FSTL5: variants seen among roughly 807,000 people sequenced by gnomAD.
FSTL5 encodes follistatin like 5.
A neutral mutation model predicts 89.1 loss-of-function variants in FSTL5; 62 were observed. That is an observed-to-expected ratio of 0.70 (90% CI 0.57 to 0.86). The LOEUF (loss-of-function observed/expected upper bound fraction) is 0.86, where lower values mean the gene tolerates loss of function less well. FSTL5 is among the 40% of genes least tolerant of loss of function. The probability of loss-of-function intolerance (pLI) is 0.00; values close to 1 mark genes in which losing one functional copy is unlikely to be tolerated. For synonymous variants in FSTL5, 383 were observed against 346.2 expected (o/e 1.11, Z -1.18); for missense variants, 1,057 against 1,001.6 (o/e 1.06, Z -0.75).
chr4:161,675,075 A>G lies in FSTL5; in HGVS notation c.728-18581T>C, dbSNP rs17638386. On this transcript the variant is annotated intron_variant, in intron 6 of 15. Transcript: ENST00000306100. ...AACAAGAATATAGATAAAGCAGGAT[A>G]GTTTATAAGCATTTCAATTCACCAG... is the stretch of plus-strand genomic sequence containing the variant. Among the ~76,000 whole-genome samples the G allele has an allele frequency of 9.7e-3, 1,479 of 152,296 alleles. 39 individuals carry two copies. Among genetic ancestry groups the G allele is most frequent in the East Asian group, 0.085 (441 of 5,174 alleles).
chr4:161,988,187 G>GT (rs1273626397), intron 3 of FSTL5, among the ~76,000 whole-genome samples: 3 of 151,750 alleles, frequency 2.0e-5, no homozygotes, highest in African/African-American at 4.8e-5. Flanking sequence ...AAGTGCAGGA[G>GT]TTTTTTTGTC....
intron 5 of FSTL5, among the ~76,000 whole-genome samples, chr4:161,766,944 A>C (rs1419849019): frequency 4.6e-5 from 7 of 151,858 alleles, no homozygotes; most frequent in Non-Finnish European, 2.9e-5. Flanking sequence ...AGATAGATAG[A>C]TAGATAGATA....
chr4:161,914,531 T>C (rs1284910326), intron 4 of FSTL5, among the ~76,000 whole-genome samples: 1 of 152,094 alleles, frequency 6.6e-6, no homozygotes, highest in Non-Finnish European at 1.5e-5. Flanking sequence ...ATAAACAAAA[T>C]TAACCTGCAT....
chr4:161,403,265 T>C (rs984648301), intron 15 of FSTL5, among the ~76,000 whole-genome samples: 3 of 152,204 alleles, frequency 2.0e-5, no homozygotes, highest in Non-Finnish European at 2.9e-5. Context: ...TCTTAGCCAC[T>C]AGAATTTTTT....
At chr4:161,601,329 GAAAAA>G (rs35261391) in intron 7 of FSTL5, among the ~76,000 whole-genome samples, 4 of 107,566 alleles carry the variant, frequency 3.7e-5, no homozygotes, top group South Asian at 6.8e-4. Flanking sequence ...TAAATAGTTG[GAAAAA>G]AAAAAAAAAA....
At chr4:161,387,663 A>G (rs1425953140) in intron 15 of FSTL5, 1 of 152,070 alleles carries the variant, frequency 6.6e-6, no homozygotes, top group African/African-American at 2.4e-5. Context: ...CATATATTAA[A>G]TATCATAGAA....
At chr4:161,744,346 A>G (rs1245855593) in intron 6 of FSTL5, among the ~76,000 whole-genome samples, 2 of 152,132 alleles carry the variant, frequency 1.3e-5, no homozygotes, top group African/African-American at 2.4e-5. Flanking sequence ...TGGTAAAGCC[A>G]AAGCTGAGAT....
intron 3 of FSTL5, among the ~76,000 whole-genome samples, chr4:161,926,317 A>T (rs1196722973): frequency 6.6e-6 from 1 of 151,810 alleles, no homozygotes; most frequent in African/African-American, 2.4e-5. Context: ...AGTGAGTTTG[A>T]ACCCTTCTTT....
rs1730646752 is a variant in FSTL5, at chr4:162,093,879, G to C, written c.126+17392C>G. The stretch of plus-strand genomic sequence containing the variant: ...AGGAAATTTTAGAGAGTCAATATTA[G>C]TATTTTTTCACTTGGATTATAAGCA... On this transcript the variant is annotated intron_variant, in intron 2 of 15. Coordinates refer to ENST00000306100, the MANE Select transcript of FSTL5 (RefSeq NM_020116.5). Among the ~76,000 whole-genome samples, 3 of 152,028 alleles carry C rather than the reference G, an allele frequency of 2.0e-5. No homozygotes were observed. The South Asian group carries it at 6.3e-4, about 32-fold the overall frequency.
At chr4:161,976,513 G>C (rs1038805007) in intron 3 of FSTL5, among the ~76,000 whole-genome samples, 4 of 152,116 alleles carry the variant, frequency 2.6e-5, no homozygotes, top group African/African-American at 9.7e-5. Context: ...TCGGAGTCTT[G>C]CTCTGTCGCC....
chr4:161,741,935 C>T (rs769981204), intron 6 of FSTL5, among the ~76,000 whole-genome samples: 5 of 152,004 alleles, frequency 3.3e-5, no homozygotes, highest in East Asian at 1.9e-4. Context: ...GTCCATTAAA[C>T]GCAGCCTAGA....
At chr4:161,538,115 A>G (rs919417462) in intron 10 of FSTL5, 51 bp downstream of exon 10, 12 of 1,574,196 alleles carry the variant, frequency 7.6e-6, no homozygotes, top group Non-Finnish European at 1.0e-5. Context: ...AAGCTGTAAA[A>G]AAGTACGTTG....
chr4:161,991,359 C>T (rs1036324370), intron 3 of FSTL5, among the ~76,000 whole-genome samples: 1 of 152,014 alleles, frequency 6.6e-6, no homozygotes, highest in Non-Finnish European at 1.5e-5. Flanking sequence ...GTCATTGCAG[C>T]ATCAACTATT....
intron 12 of FSTL5, 25 bp from the exon 13 acceptor site, chr4:161,481,194 A>C (rs1729492388): frequency 2.5e-6 from 4 of 1,574,678 alleles, no homozygotes; most frequent in Non-Finnish European, 3.5e-6. Context: ...AGAGAAAATG[A>C]AATTTATACC....
intron 6 of FSTL5, among the ~76,000 whole-genome samples, chr4:161,686,781 T>C (rs1737762226): frequency 6.6e-6 from 1 of 152,150 alleles, no homozygotes; most frequent in African/African-American, 2.4e-5. Flanking sequence ...TTGTTCTAAA[T>C]TGTAACTTGT....
chr4:161,669,292 A>C (rs1488895715), intron 6 of FSTL5, among the ~76,000 whole-genome samples: 1 of 152,114 alleles, frequency 6.6e-6, no homozygotes, highest in Non-Finnish European at 1.5e-5. Flanking sequence ...GGATATCAAC[A>C]AATGAATCCT....
chr4:161,951,961 C>A (rs1734908396), intron 3 of FSTL5, among the ~76,000 whole-genome samples: 1 of 151,930 alleles, frequency 6.6e-6, no homozygotes, highest in Non-Finnish European at 1.5e-5. Flanking sequence ...TAAACAAATT[C>A]ATTGATTCCT....
chr4:161,851,172 A>C (rs192838742), intron 4 of FSTL5, among the ~76,000 whole-genome samples: 2 of 152,320 alleles, frequency 1.3e-5, no homozygotes, highest in African/African-American at 2.4e-5. Flanking sequence ...AAGTTTAGAA[A>C]ACTTAAATCC....
At chr4:161,833,476 TGG>T (rs1423755923) in intron 4 of FSTL5, among the ~76,000 whole-genome samples, 1 of 89,202 alleles carries the variant, frequency 1.1e-5, no homozygotes, top group East Asian at 3.3e-4. Flanking sequence ...ATGTTGACAG[TGG>T]GGTGTTAAAG....
Sources: allele counts gnomAD v4.1 joint callset (sites outside exome capture counted in the v4.1 genomes callset), GRCh38; gene constraint gnomAD v4.1.1; transcripts MANE v1.5; gene names NCBI Gene and HGNC (gene_info 2026-07-23, HGNC 2026-07-21).